Variants in IPO7 observed in about 807,000 individuals in gnomAD.
IPO7 encodes the protein importin-7.
A neutral mutation model predicts 136.4 loss-of-function variants in IPO7; 13 were observed. The observed-to-expected ratio is 0.10, with a 90% CI of 0.06 to 0.15. The LOEUF (loss-of-function observed/expected upper bound fraction) is 0.15, where lower values mean the gene tolerates loss of function less well. IPO7 is among the 10% of genes least tolerant of loss of function. IPO7 has a pLI of 1.00. For synonymous variants in IPO7, 403 were observed against 404.4 expected, an observed-to-expected ratio of 1.00 and a Z score of 0.04; for missense variants, 857 against 1,240.6, an observed-to-expected ratio of 0.69 and a Z score of 4.65.
At chr11:9,438,047 T>G (rs1228602812) in intron 21 of IPO7, 33 bp from the exon 22 acceptor site, 5 of 213,190 alleles carry the variant, frequency 2.3e-5, no homozygotes, top group African/African-American at 6.4e-5. Context: ...AGAAAACAGT[T>G]TTTTTTTTTT....
chr11:9,417,113 A>G lies in IPO7; in HGVS notation c.691A>G (p.Ile231Val), dbSNP rs1331149099. 3 of 1,563,780 alleles carry G rather than the reference A, an allele frequency of 1.9e-6. No individual in the cohort carries two copies. The highest frequency in any genetic ancestry group is 1.8e-6 in the Non-Finnish European group (2 of 1,135,710). Residue 231 changes from isoleucine to valine, a missense_variant, in exon 6 of 25, where the codon ATT (isoleucine) becomes GTT (valine). Physicochemically the swap from Ile to Val is conservative, Grantham distance 29 (BLOSUM62 3). Transcript: ENST00000379719. ...NQQNLTEWIE[I>V]LKTVVNRDVP... ...ACAGAACCTGACAGAATGGATAGAA[A>G]TTTTAAAGACTGTTGTGAACAGGGA...
chr11:9,404,715 G>A (rs928597408), intron 2 of IPO7, among the ~76,000 whole-genome samples: 2 of 151,454 alleles, frequency 1.3e-5, no homozygotes, highest in East Asian at 2.0e-4. Context: ...ACAGGCGCCC[G>A]CCACCACACC....
chr11:9,422,023 T>A (rs1012097352), intron 8 of IPO7, among the ~76,000 whole-genome samples: 1 of 152,182 alleles, frequency 6.6e-6, no homozygotes, highest in South Asian at 2.1e-4. Flanking sequence ...CTCACGCCTA[T>A]AATCCCAGCA....
chr11:9,396,140 A>C (rs1310902167), intron 1 of IPO7, among the ~76,000 whole-genome samples: 9 of 151,962 alleles, frequency 5.9e-5, no homozygotes, highest in African/African-American at 2.2e-4. Flanking sequence ...TCACCCCTAT[A>C]ATCCCAGCAC....
intron 1 of IPO7, chr11:9,402,702 A>G (rs929398743): frequency 6.5e-6 from 1 of 152,876 alleles, no homozygotes. Context: ...TACTAAAAAA[A>G]TACAAAAATT....
intron 24 of IPO7, among the ~76,000 whole-genome samples, chr11:9,442,936 T>G (rs994891789): frequency 1.3e-5 from 2 of 151,820 alleles, no homozygotes; most frequent in African/African-American, 4.8e-5. Flanking sequence ...GGCAGGAAAA[T>G]TGCTTGAACC....
Position 9,424,928 on chromosome 11 carries a change from T to C in IPO7, c.1156T>C (p.Phe386Leu), listed in dbSNP as rs1438634552. 1.3e-6 allele frequency: 2 copies of C among 1,587,696 alleles called. No individual in the cohort carries two copies. Among genetic ancestry groups the C allele is most frequent in the Non-Finnish European group, 1.7e-6 (2 of 1,166,752 alleles). Residue 386 changes from phenylalanine (F) to leucine (L), a missense_variant, in exon 11 of 25, where the codon TTC (phenylalanine) becomes CTC (leucine). By Grantham distance (22) the Phe-to-Leu change is conservative. This residue lies in a region of IPO7 where 127 missense variants were observed against 222.4 expected (regional missense o/e 0.57). Transcript: ENST00000379719. ...IRMKFDVFED[F>L]ISPTTAAQTL... ...TTGTTCTCTAGATGTGTTTGAAGATTTCATTTCTCCTACCACTGCTGCCCA... is the reference window on the plus strand; with the variant it reads ...TTGTTCTCTAGATGTGTTTGAAGATCTCATTTCTCCTACCACTGCTGCCCA...
intron 6 of IPO7, among the ~76,000 whole-genome samples, chr11:9,419,835 T>TA (rs1184012104): frequency 1.3e-5 from 2 of 152,162 alleles, no homozygotes; most frequent in East Asian, 3.9e-4. Context: ...CATTATGAAA[T>TA]ATACTGATTT....
intron 1 of IPO7, among the ~76,000 whole-genome samples, chr11:9,395,726 C>G (rs139681068): frequency 1.9e-3 from 286 of 151,530 alleles, no homozygotes; most frequent in African/African-American, 6.7e-3. Flanking sequence ...TAAAGTTATG[C>G]TTTTTTTTGA....
chr11:9,384,669 C>G lies in IPO7; in HGVS notation c.-95C>G, dbSNP rs17554046. 20 of 1,057,682 alleles carry G rather than the reference C, an allele frequency of 1.9e-5. No individual in the cohort carries two copies. In the South Asian group the frequency reaches 2.4e-4, roughly 13 times the overall value. 65.5% of individuals were successfully genotyped at this position (1,057,682 alleles called of 1,614,324 possible). On this transcript the variant is annotated 5_prime_UTR_variant, in exon 1 of 25. Coordinates refer to ENST00000379719, the MANE Select transcript of IPO7 (RefSeq NM_006391.3). ...TTCTCTTTCCTTTCGCGCCGGTTGCCGCTGCGGAGCGCGGCGGGTCCATGT... is the reference window on the plus strand; with the variant it reads ...TTCTCTTTCCTTTCGCGCCGGTTGCGGCTGCGGAGCGCGGCGGGTCCATGT...
Position 9,384,813 on chromosome 11 carries a change from C to A in IPO7, c.50C>A (p.Ala17Asp), listed in dbSNP as rs1313608449. ...GCCCTGCGGGGCACTATGGACCCAG[C>A]CCTGCGTGAGGCCGCGGAGCGCCAG... The part of the protein sequence containing the change: ...IEALRGTMDP[A>D]LREAAERQLN... Residue 17 changes from alanine (A) to aspartate (D), a missense_variant, in exon 1 of 25, where the codon GCC becomes GAC. Ala to Asp is a moderately radical substitution (Grantham distance 126, BLOSUM62 -2). Coordinates refer to ENST00000379719, the MANE Select transcript of IPO7 (RefSeq NM_006391.3). The A allele has an allele frequency of 6.2e-7, 1 of 1,607,102 alleles. No individual in the cohort carries two copies. Among genetic ancestry groups the A allele is most frequent in the Non-Finnish European group, 8.5e-7 (1 of 1,176,976 alleles).
At chr11:9,404,232 A>AAGC in intron 2 of IPO7, among the ~76,000 whole-genome samples, 1 of 152,098 alleles carries the variant, frequency 6.6e-6, no homozygotes. Context: ...TTGGGAGGCC[A>AAGC]AGGCGGGGTT....
chr11:9,436,109 T>C (rs1182189428), intron 19 of IPO7, among the ~76,000 whole-genome samples, 162 bp from the exon 20 acceptor site: 1 of 152,212 alleles, frequency 6.6e-6, no homozygotes, highest in Non-Finnish European at 1.5e-5. Flanking sequence ...CCAGATCCTT[T>C]AGTCTTTCAT....
chr11:9,440,516 G>C lies in IPO7; in HGVS notation c.2757G>C (p.Leu919=). The C allele has an allele frequency of 6.2e-7, 1 of 1,614,038 alleles. No individual in the cohort carries two copies. Among genetic ancestry groups the C allele is most frequent in the Non-Finnish European group, 8.5e-7 (1 of 1,179,926 alleles). ...ATGGGCAAGAATATTTGGAGATTCT[G>C]GCTAAGCAGGCTGGTGAAGATGGAG... ...DEDGQEYLEI[L]AKQAGEDGDD... Residue 919 remains leucine, a synonymous_variant, in exon 23 of 25, where the codon CTG becomes CTC. Transcript: ENST00000379719.
At chr11:9,420,109 G>A (rs1322708858) in intron 6 of IPO7, among the ~76,000 whole-genome samples, 3 of 152,040 alleles carry the variant, frequency 2.0e-5, no homozygotes, top group Admixed American at 6.6e-5. Context: ...GGATCACGAG[G>A]TCAGGAGATG....
chr11:9,395,702 T>C (rs1854698071), intron 1 of IPO7, among the ~76,000 whole-genome samples: 1 of 152,114 alleles, frequency 6.6e-6, no homozygotes, highest in Non-Finnish European at 1.5e-5. Flanking sequence ...TTCAGCTTAG[T>C]TGTCTGAAAG....
In IPO7 at chr11:9,447,433, T is replaced by C. The variant is rs1439869160; in HGVS notation, c.*2239T>C. On this transcript the variant is annotated 3_prime_UTR_variant, in exon 25 of 25. Transcript: ENST00000379719. Reference sequence around the variant, plus strand: ...TGTTCAAATGATAGTTTCTAATGCATCAAATATATACCTCAGTTTTCATGA... The same window carrying C: ...TGTTCAAATGATAGTTTCTAATGCACCAAATATATACCTCAGTTTTCATGA... 6.6e-6 allele frequency: 1 copy of C among 152,224 alleles called. No individual in the cohort carries two copies. The highest frequency in any genetic ancestry group is 1.5e-5 in the Non-Finnish European group (1 of 68,026). The allele number at this position is 152,224 out of a possible 1,614,324, so 9.4% of individuals were successfully genotyped here.
chr11:9,445,355 G>C lies in IPO7; in HGVS notation c.*161G>C. The C allele has an allele frequency of 5.2e-6, 1 of 191,088 alleles. No homozygotes were observed. Among genetic ancestry groups the C allele is most frequent in the Admixed American group, 5.6e-5 (1 of 17,738 alleles). 11.8% of individuals were successfully genotyped at this position (191,088 alleles called of 1,614,324 possible). A position where few individuals can be genotyped will look rare whatever the true frequency, so the allele number is the denominator to read the frequency against. ...AGATGGGACCTGATCATGCAACCTG[G>C]CACTGGAAAAGAAATCAGCGGGATT... On this transcript the variant is annotated 3_prime_UTR_variant, in exon 25 of 25. Transcript: ENST00000379719.
intron 6 of IPO7, among the ~76,000 whole-genome samples, chr11:9,417,454 G>A (rs118151197): frequency 0.019 from 2,837 of 152,086 alleles, 32 homozygotes; most frequent in Non-Finnish European, 0.028. Context: ...CTCATAGCTG[G>A]CTCTTAGCCT....
Sources: gnomAD v4.1 joint callset for allele counts (sites outside exome capture counted in the v4.1 genomes callset) on GRCh38, gnomAD v4.1.1 for gene constraint, gnomAD v4.1.1 regional missense constraint, MANE v1.5 for transcripts, NCBI Gene and HGNC (gene_info 2026-07-23, HGNC 2026-07-21) for gene names.